EXPH5: variants seen among roughly 807,000 people sequenced by gnomAD.
EXPH5 encodes exophilin-5.
In EXPH5, 42 loss-of-function variants were observed where a neutral mutation model predicts 41.1. The observed-to-expected ratio is 1.02, with a 90% CI of 0.80 to 1.32. EXPH5 has a LOEUF of 1.32. Among genes scored for constraint, EXPH5 ranks in the 40% most tolerant of loss-of-function variants. EXPH5 has a pLI of 0.00. For synonymous variants in EXPH5, 798 were observed against 833.5 expected (o/e 0.96, Z 0.73); for missense variants, 2,298 against 2,314.5 (o/e 0.99, Z 0.15).
Position 108,513,956 on chromosome 11 carries a change from T to C in EXPH5, c.1551A>G (p.Val517=). 6.2e-7 allele frequency: 1 copy of C among 1,608,936 alleles called. No individual in the cohort carries two copies. Among genetic ancestry groups the C allele is most frequent in the African/African-American group, 1.3e-5 (1 of 74,838 alleles). Residue 517 remains valine, a synonymous_variant, in exon 6 of 6, where the codon GTA becomes GTG. Coordinates refer to ENST00000265843, the MANE Select transcript of EXPH5 (RefSeq NM_015065.3). ...FEMISMEANS[V]SAIHGHNVSS... ...AAACATTATGGCCATGAATGGCTGA[T>C]ACACTATTTGCTTCCATGGAAATCA...
chr11:108,528,942 A>T (rs1177820363), intron 3 of EXPH5, among the ~76,000 whole-genome samples: 1 of 151,796 alleles, frequency 6.6e-6, no homozygotes, highest in East Asian at 1.9e-4. Flanking sequence ...ACCTCAGGTG[A>T]TCTGCCTGCC....
Position 108,528,116 on chromosome 11 carries a change from GTAGTTAT to G in EXPH5, c.492+13_492+19del. 1 of 1,562,910 alleles carries G rather than the reference GTAGTTAT, an allele frequency of 6.4e-7. No homozygotes were observed. The highest frequency in any genetic ancestry group is 8.8e-7 in the Non-Finnish European group (1 of 1,133,950). ...AATTCTGAATTTCTTAGAGTAACCT[GTAGTTAT>G]CTGGTTACTTACCACAGCAGCTCCC... On this transcript the variant is annotated intron_variant, in intron 4 of 5. Coordinates refer to ENST00000265843, the MANE Select transcript of EXPH5 (RefSeq NM_015065.3).
At chr11:108,605,406 C>G in the EXPH5 span, among the ~76,000 whole-genome samples, 1 of 152,180 alleles carries the variant, frequency 6.6e-6, no homozygotes, top group African/African-American at 2.4e-5. Context: ...CATATTAGAA[C>G]AGTTGTTCTC....
At chr11:108,546,707 T>C (rs1024022730) in intron 1 of EXPH5, among the ~76,000 whole-genome samples, 1 of 152,256 alleles carries the variant, frequency 6.6e-6, no homozygotes, top group African/African-American at 2.4e-5. Context: ...AGTATGTTTT[T>C]CTTCCTTTAT....
chr11:108,510,289 G>A lies in EXPH5; in HGVS notation c.5218C>T (p.Leu1740Phe). 1 of 1,614,140 alleles carries A rather than the reference G, an allele frequency of 6.2e-7. No individual in the cohort carries two copies. The highest frequency in any genetic ancestry group is 8.5e-7 in the Non-Finnish European group (1 of 1,180,032). Residue 1740 changes from leucine (L) to phenylalanine (F), a missense_variant, in exon 6 of 6, where the codon CTC becomes TTC. Transcript: ENST00000265843. ...GAPSPITFTSLREAEFSDNQR... is the reference protein window; with the variant it reads ...GAPSPITFTSFREAEFSDNQR... ...TTGTCAGAGAATTCTGCTTCCCTGA[G>A]GCTGGTGAATGTGATGGGTGATGGG...
intron 1 of EXPH5, among the ~76,000 whole-genome samples, chr11:108,559,876 C>T (rs1193386482): frequency 3.3e-5 from 5 of 152,154 alleles, no homozygotes; most frequent in African/African-American, 1.2e-4. Context: ...TAATTAAAAT[C>T]CACTATTATT....
intron 3 of EXPH5, among the ~76,000 whole-genome samples, chr11:108,528,803 A>G (rs1200780235): frequency 6.7e-6 from 1 of 149,392 alleles, no homozygotes; most frequent in Non-Finnish European, 1.5e-5. Flanking sequence ...CCTGGGTTCA[A>G]GCAATTCTCC....
At chr11:108,538,240 C>T (rs2093891943) in intron 3 of EXPH5, 3 of 985,302 alleles carry the variant, frequency 3.0e-6, no homozygotes, top group African/African-American at 1.7e-5. Context: ...TTTGACGGCA[C>T]GCGGAACATA....
chr11:108,570,905 A>C (rs1028732744), intron 1 of EXPH5, among the ~76,000 whole-genome samples: 5 of 152,234 alleles, frequency 3.3e-5, no homozygotes, highest in African/African-American at 1.2e-4. Context: ...TGTGGCATTT[A>C]CAATATTTGT....
chr11:108,529,874 A>T (rs1409783138), intron 3 of EXPH5, among the ~76,000 whole-genome samples: 1 of 152,014 alleles, frequency 6.6e-6, no homozygotes, highest in Non-Finnish European at 1.5e-5. Context: ...TTAATAGACC[A>T]TAATGACTGA....
At chr11:108,522,716 A>T (rs1485656223) in intron 4 of EXPH5, among the ~76,000 whole-genome samples, 1 of 152,172 alleles carries the variant, frequency 6.6e-6, no homozygotes, top group Non-Finnish European at 1.5e-5. Context: ...CAGAGCAGAC[A>T]CTGACTGATC....
chr11:108,541,691 G>A lies in EXPH5; in HGVS notation c.241C>T (p.Pro81Ser). Residue 81 changes from proline (P) to serine (S), a missense_variant, in exon 2 of 6, where the codon CCA (proline) becomes TCA (serine). Physicochemically the swap from Pro to Ser is moderately conservative, Grantham distance 74. Transcript: ENST00000265843. Reference sequence around the variant, plus strand: ...TCCTTACTTAGCCTGTATGTAAGTGGTTGTTTTAACATTTGGCTAACATCT... The same window carrying A: ...TCCTTACTTAGCCTGTATGTAAGTGATTGTTTTAACATTTGGCTAACATCT... ...ETDVSQMLKQ[P>S]LTYRLSKEMA... is the part of the protein sequence containing the mutation. The A allele has an allele frequency of 1.2e-6, 2 of 1,610,840 alleles. No homozygotes were observed. Among genetic ancestry groups the A allele is most frequent in the Non-Finnish European group, 1.7e-6 (2 of 1,178,794 alleles).
chr11:108,517,901 G>A (rs1484912415), intron 5 of EXPH5, among the ~76,000 whole-genome samples: 1 of 152,024 alleles, frequency 6.6e-6, no homozygotes, highest in Non-Finnish European at 1.5e-5. Flanking sequence ...TGAGATTACA[G>A]GTGCGTGCCA....
intron 5 of EXPH5, among the ~76,000 whole-genome samples, chr11:108,517,238 A>T (rs1201331195): frequency 6.6e-6 from 1 of 152,196 alleles, no homozygotes; most frequent in Non-Finnish European, 1.5e-5. Flanking sequence ...TCTCTACATT[A>T]GTTTCAGAAA....
chr11:108,529,458 A>C (rs757715649), intron 3 of EXPH5, among the ~76,000 whole-genome samples: 50 of 152,134 alleles, frequency 3.3e-4, no homozygotes, highest in Admixed American at 2.0e-3. Context: ...TCAGCCTCTC[A>C]AAGTGCTGTG....
the EXPH5 span, among the ~76,000 whole-genome samples, chr11:108,601,719 TC>T: frequency 6.6e-6 from 1 of 152,086 alleles, no homozygotes; most frequent in Non-Finnish European, 1.5e-5. Context: ...CTCTTTCCTT[TC>T]TTTTTTCTTT....
Position 108,510,774 on chromosome 11 carries a change from T to A in EXPH5, c.4733A>T (p.Asn1578Ile). Residue 1578 changes from asparagine (N) to isoleucine (I), a missense_variant, in exon 6 of 6, where the codon AAC becomes ATC. Asn to Ile is a moderately radical substitution (Grantham distance 149). Coordinates refer to ENST00000265843, the MANE Select transcript of EXPH5 (RefSeq NM_015065.3). ...SLPEGNKNKT[N>I]LDDLVKGENR... The stretch of plus-strand genomic sequence containing the variant: ...TTCCCCCTTTACTAGGTCATCCAAG[T>A]TGGTTTTATTTTTGTTTCCTTCAGG... 1 of 1,614,028 alleles carries A rather than the reference T, an allele frequency of 6.2e-7. No individual in the cohort carries two copies.
At position 108,511,986 on chromosome 11, in the gene EXPH5, G is replaced by A. The variant is rs1215330425; in HGVS notation, c.3521C>T (p.Ser1174Phe). 1.3e-6 allele frequency: 2 copies of A among 1,596,408 alleles called. No homozygotes were observed. Among genetic ancestry groups the A allele is most frequent in the Non-Finnish European group, 8.5e-7 (1 of 1,174,712 alleles). ...CTTTTGGTGTTGTCTTTTGGTTAAA[G>A]AACAATCTCTAACAGATGAGTCACT... ...VESDSSVRDC[S>F]LTKRQHQKEN... Residue 1174 changes from serine (S) to phenylalanine (F), a missense_variant, in exon 6 of 6, where the codon TCT becomes TTT. Physicochemically the swap from Ser to Phe is radical, Grantham distance 155. Coordinates refer to ENST00000265843, the MANE Select transcript of EXPH5 (RefSeq NM_015065.3).
At chr11:108,577,814 C>T (rs2094084903) in intron 1 of EXPH5, among the ~76,000 whole-genome samples, 1 of 152,154 alleles carries the variant, frequency 6.6e-6, no homozygotes, top group South Asian at 2.1e-4. Flanking sequence ...AGCATTTTTT[C>T]ATATGCCTAT....
Sources: gnomAD v4.1 joint callset for allele counts (sites outside exome capture counted in the v4.1 genomes callset) on GRCh38, gnomAD v4.1.1 for gene constraint, MANE v1.5 for transcripts, NCBI Gene and HGNC (gene_info 2026-07-23, HGNC 2026-07-21) for gene names.